The following CEP128 variants were observed in gnomAD, a reference collection of about 807,000 sequenced individuals.
CEP128 encodes the protein centrosomal protein 128kDa.
Under a neutral mutation model 156.7 loss-of-function variants are expected in CEP128, and 132 were observed. The ratio of observed to expected loss-of-function variants is 0.84; its 90% CI spans 0.73 to 0.97. The LOEUF (loss-of-function observed/expected upper bound fraction) is 0.97. Among genes scored for constraint, CEP128 ranks in the 50% least tolerant of loss-of-function variants. The pLI is 0.00. For synonymous variants in CEP128, 469 were observed against 448.9 expected, an observed-to-expected ratio of 1.04 and a Z score of -0.57; for missense variants, 1,252 against 1,281.9, an observed-to-expected ratio of 0.98 and a Z score of 0.36.
intron 14 of CEP128, among the ~76,000 whole-genome samples, chr14:80,790,272 T>C (rs574203863): frequency 6.6e-6 from 1 of 152,100 alleles, no homozygotes; most frequent in Non-Finnish European, 1.5e-5. Flanking sequence ...GTATTCCCAT[T>C]ATCCATATTA....
At position 80,831,105 on chromosome 14, in the gene CEP128, A is replaced by G; in HGVS notation, c.1209+38T>C. The stretch of plus-strand genomic sequence containing the variant: ...TTAAGCAATTCCATGAGATAAAATT[A>G]AAATATTTCGAATATGACTTAAAAA... On this transcript the variant is annotated intron_variant, in intron 13 of 24. Coordinates refer to ENST00000555265, the MANE Select transcript of CEP128 (RefSeq NM_152446.5). 1.9e-6 allele frequency: 3 copies of G among 1,583,386 alleles called. No individual in the cohort carries two copies. The South Asian group carries it at 3.3e-5, about 18-fold the overall frequency.
intron 6 of CEP128, among the ~76,000 whole-genome samples, chr14:80,902,682 T>C (rs1223576051): frequency 1.3e-5 from 2 of 152,148 alleles, no homozygotes; most frequent in Non-Finnish European, 2.9e-5. Context: ...AAATCTTTAG[T>C]GAATAAAGTA....
chr14:80,727,880 C>T (rs1040626808), intron 19 of CEP128, among the ~76,000 whole-genome samples: 2 of 152,102 alleles, frequency 1.3e-5, no homozygotes, highest in African/African-American at 4.8e-5. Flanking sequence ...GGCATGGTTG[C>T]AGAGAAAAGG....
chr14:80,941,029 G>GTTT (rs1886123819), intron 1 of CEP128, among the ~76,000 whole-genome samples: 1 of 152,190 alleles, frequency 6.6e-6, no homozygotes, highest in Non-Finnish European at 1.5e-5. Context: ...GATGCAGCTG[G>GTTT]GATTCAATGT....
At chr14:80,717,237 G>C (rs1897640718) in intron 19 of CEP128, among the ~76,000 whole-genome samples, 1 of 152,110 alleles carries the variant, frequency 6.6e-6, no homozygotes, top group Non-Finnish European at 1.5e-5. Flanking sequence ...TAATATAGTT[G>C]TCCCTTTCAC....
At chr14:80,749,743 C>T (rs1899292309) in intron 18 of CEP128, among the ~76,000 whole-genome samples, 1 of 151,928 alleles carries the variant, frequency 6.6e-6, no homozygotes, top group African/African-American at 2.4e-5. Flanking sequence ...ATTTATCATG[C>T]ATTTTTAAAT....
chr14:80,950,894 C>A (rs1886450186), intron 2 of CEP128, among the ~76,000 whole-genome samples: 1 of 116,946 alleles, frequency 8.6e-6, no homozygotes, highest in Admixed American at 9.5e-5. Flanking sequence ...ATCTGAAAAG[C>A]ATCCCGAGTA....
At chr14:80,905,775 A>G in intron 5 of CEP128, 180 bp downstream of exon 5, 1 of 540,842 alleles carries the variant, frequency 1.8e-6, no homozygotes, top group Non-Finnish European at 3.1e-6. Flanking sequence ...AAAACAATAT[A>G]ACAACAAAGA....
chr14:80,746,109 T>G (rs1214183925), intron 18 of CEP128, among the ~76,000 whole-genome samples: 4 of 152,130 alleles, frequency 2.6e-5, no homozygotes, highest in Admixed American at 1.3e-4. Context: ...TGGGAAGATA[T>G]CCTACGTAAA....
intron 14 of CEP128, among the ~76,000 whole-genome samples, chr14:80,788,348 A>G (rs891263319): frequency 2.6e-4 from 31 of 118,464 alleles, no homozygotes; most frequent in African/African-American, 1.0e-3. Context: ...CACTAATTTC[A>G]GTTTGGATAA....
intron 19 of CEP128, among the ~76,000 whole-genome samples, chr14:80,662,358 T>C (rs1442364270): frequency 6.6e-6 from 1 of 152,192 alleles, no homozygotes; most frequent in East Asian, 1.9e-4. Flanking sequence ...AGAAATAACA[T>C]TGCAGTCTCT....
intron 4 of CEP128, 37 bp downstream of exon 4, chr14:80,914,285 T>C (rs1033233721): frequency 6.7e-7 from 1 of 1,488,614 alleles, no homozygotes; most frequent in African/African-American, 1.4e-5. Context: ...CCCAAAAAGG[T>C]GGGTAGGAGA....
chr14:80,526,312 C>T (rs1289520175), intron 23 of CEP128, among the ~76,000 whole-genome samples: 2 of 152,128 alleles, frequency 1.3e-5, no homozygotes, highest in Non-Finnish European at 2.9e-5. Flanking sequence ...TTTAAAATCA[C>T]CCAGATCCCA....
intron 21 of CEP128, among the ~76,000 whole-genome samples, chr14:80,535,701 A>C (rs1373150831): frequency 1.3e-5 from 2 of 152,192 alleles, no homozygotes; most frequent in African/African-American, 4.8e-5. Flanking sequence ...TGATACTAAC[A>C]CTGCCTTTTC....
intron 8 of CEP128, among the ~76,000 whole-genome samples, chr14:80,880,910 T>TAATAATAATAAG (rs1248604288): frequency 3.0e-4 from 43 of 142,286 alleles, no homozygotes; most frequent in African/African-American, 1.1e-3. Context: ...ATAATAATAA[T>TAATAATAATAAG]TTCAGTAAAG....
intron 12 of CEP128, among the ~76,000 whole-genome samples, chr14:80,831,620 A>G (rs1404586035): frequency 6.6e-6 from 1 of 151,986 alleles, no homozygotes; most frequent in Non-Finnish European, 1.5e-5. Flanking sequence ...AAAAAAAAAA[A>G]AAAAATACAA....
At chr14:80,755,426 C>T (rs766780164) in intron 18 of CEP128, among the ~76,000 whole-genome samples, 1 of 152,180 alleles carries the variant, frequency 6.6e-6, no homozygotes, top group African/African-American at 2.4e-5. Context: ...TATTACCATT[C>T]ATTAGCTATT....
At chr14:80,678,048 A>T (rs1566850941) in intron 19 of CEP128, among the ~76,000 whole-genome samples, 7 of 133,960 alleles carry the variant, frequency 5.2e-5, no homozygotes, top group African/African-American at 2.1e-4. Context: ...TATAAAAAAA[A>T]AATATATATA....
chr14:80,631,011 A>G (rs10151209), intron 19 of CEP128, among the ~76,000 whole-genome samples: 97,784 of 151,832 alleles, frequency 0.64, 33,350 homozygotes, highest in Non-Finnish European at 0.75. Flanking sequence ...TCTTTGTATT[A>G]AGAAACTAAA....
Sources: allele counts gnomAD v4.1 joint callset (sites outside exome capture counted in the v4.1 genomes callset), GRCh38; gene constraint gnomAD v4.1.1; transcripts MANE v1.5; gene names NCBI Gene and HGNC (gene_info 2026-07-23, HGNC 2026-07-21).